SDK2: variants seen among roughly 807,000 people sequenced by gnomAD.
SDK2 encodes the protein sidekick cell adhesion molecule 2.
A neutral mutation model predicts 253.9 loss-of-function variants in SDK2; 105 were observed. The ratio of observed to expected loss-of-function variants is 0.41; its 90% CI spans 0.35 to 0.49. SDK2 has a LOEUF of 0.49. Ranked by LOEUF, SDK2 falls within the 20% of genes least tolerant of loss-of-function variation. The pLI, the probability that SDK2 is intolerant of heterozygous loss-of-function variation, is 0.06. For missense variants in SDK2, 2,608 were observed against 3,003.0 expected (o/e 0.87, Z 3.07); for synonymous variants, 1,249 against 1,234.9 (o/e 1.01, Z -0.24).
chr17:73,534,914 C>T lies in SDK2; in HGVS notation c.65-27317G>A, dbSNP rs1345068936. 1.3e-5 allele frequency among the ~76,000 whole-genome samples: 2 copies of T among 152,176 alleles called. No homozygotes were observed. Among genetic ancestry groups the T allele is most frequent in the Non-Finnish European group, 2.9e-5 (2 of 68,018 alleles). On this transcript the variant is annotated intron_variant, in intron 1 of 44. Coordinates refer to ENST00000392650, the MANE Select transcript of SDK2 (RefSeq NM_001144952.2). The surrounding 1 kb of genome is among the most constrained non-coding windows in gnomAD (Gnocchi z 4.9). ...CTGCGATCGGCCGATCAGCCCGCTA[C>T]TGGGTCTAAGGAACCCAGGAGGAGG...
At chr17:73,522,594 T>C (rs1026047388) in intron 1 of SDK2, among the ~76,000 whole-genome samples, 2 of 152,234 alleles carry the variant, frequency 1.3e-5, no homozygotes, top group African/African-American at 4.8e-5. Flanking sequence ...GAGAAGGTGA[T>C]GGTATGTGGA....
intron 1 of SDK2, among the ~76,000 whole-genome samples, chr17:73,589,750 T>G (rs1188482129): frequency 1.3e-5 from 2 of 152,164 alleles, no homozygotes; most frequent in South Asian, 4.1e-4. Flanking sequence ...AAGAGAGCAA[T>G]AAGCCTCATC....
At chr17:73,344,617 C>T (rs1263141716) in intron 44 of SDK2, among the ~76,000 whole-genome samples, 1 of 152,216 alleles carries the variant, frequency 6.6e-6, no homozygotes, top group African/African-American at 2.4e-5. Flanking sequence ...TGAGAATATA[C>T]AAAGCACAGG....
At chr17:73,591,127 C>T (rs1171485000) in intron 1 of SDK2, among the ~76,000 whole-genome samples, 2 of 152,158 alleles carry the variant, frequency 1.3e-5, no homozygotes, top group East Asian at 3.9e-4. Flanking sequence ...GCCATGTTGG[C>T]CAGGCTGGTC....
intron 3 of SDK2, among the ~76,000 whole-genome samples, chr17:73,466,728 G>T (rs2410769): frequency 2.6e-5 from 2 of 75,590 alleles, no homozygotes; most frequent in African/African-American, 6.4e-5. Flanking sequence ...CCCCCCCCCC[G>T]GCTTAGGCTC....
At chr17:73,531,105 G>A (rs544616118) in intron 1 of SDK2, among the ~76,000 whole-genome samples, 2 of 152,072 alleles carry the variant, frequency 1.3e-5, no homozygotes, top group South Asian at 4.2e-4. Context: ...GATCTTCCTT[G>A]TTCCCACCCT....
chr17:73,536,647 G>A (rs1279562832), intron 1 of SDK2, among the ~76,000 whole-genome samples: 5 of 152,188 alleles, frequency 3.3e-5, no homozygotes, highest in Non-Finnish European at 7.3e-5. Context: ...ACGCCAGTGC[G>A]GGGGTCGCAA....
rs566708568 is a variant in SDK2, at chr17:73,425,633, G to A, written c.1584-1541C>T. On this transcript the variant is annotated intron_variant, in intron 12 of 44. Coordinates refer to ENST00000392650, the MANE Select transcript of SDK2 (RefSeq NM_001144952.2). ...AGTGATTTTCGTGGCTCAGCCTCCC[G>A]AGTTGCTAGGACTATAGGCGAGCAC... Among the ~76,000 whole-genome samples the A allele has an allele frequency of 2.8e-4, 43 of 151,902 alleles. No homozygotes were observed. In the South Asian group the frequency reaches 3.3e-3, roughly 12 times the overall value.
chr17:73,644,003 C>T lies in SDK2; in HGVS notation c.64+22G>A, dbSNP rs1173834578. 6.5e-7 allele frequency: 1 copy of T among 1,543,730 alleles called. No individual in the cohort carries two copies. Among genetic ancestry groups the T allele is most frequent in the African/African-American group, 1.4e-5 (1 of 72,804 alleles). On this transcript the variant is annotated intron_variant, in intron 1 of 44. Transcript: ENST00000392650. The surrounding 1 kb of genome is among the most constrained non-coding windows in gnomAD (Gnocchi z 6.3). ...CACTCTCCCAGCCCCCTCCCTGTCCCCACGTGGGGGTCCCTCCTTACCTTG... is the reference window on the plus strand; with the variant it reads ...CACTCTCCCAGCCCCCTCCCTGTCCTCACGTGGGGGTCCCTCCTTACCTTG...
rs757187447 is a variant in SDK2, at chr17:73,419,207, A to C, written c.2145T>G (p.Pro715=). ...QSIMIQWQPP[P]ESHQNGILKG... is the part of the protein sequence containing the mutation. ...TGAGAATTCCATTCTGGTGGCTCTC[A>C]GGAGGCGGCTGCCACTGGATCATGA... The change falls in exon 16 of 45, where the codon CCT becomes CCG. Residue 715 remains proline (P), a synonymous_variant. Transcript: ENST00000392650. 4 of 1,612,138 alleles carry C rather than the reference A, an allele frequency of 2.5e-6. No homozygotes were observed. The South Asian group carries it at 4.4e-5, about 18-fold the overall frequency.
chr17:73,448,607 G>A (rs2063470165), intron 4 of SDK2, among the ~76,000 whole-genome samples: 2 of 151,476 alleles, frequency 1.3e-5, no homozygotes, highest in Non-Finnish European at 1.5e-5. Flanking sequence ...CTTGTGATCT[G>A]CCCGCCTTGG....
At chr17:73,403,594 G>A (rs976614211) in intron 18 of SDK2, among the ~76,000 whole-genome samples, 4 of 152,132 alleles carry the variant, frequency 2.6e-5, no homozygotes, top group Non-Finnish European at 4.4e-5. Context: ...TAATAAGCAC[G>A]GGTATTTATA....
intron 2 of SDK2, among the ~76,000 whole-genome samples, chr17:73,475,481 T>C (rs2063680080): frequency 6.6e-6 from 1 of 152,228 alleles, no homozygotes; most frequent in South Asian, 2.1e-4. Context: ...CTAGCAACTA[T>C]GTGACAAAAA....
chr17:73,559,789 G>A lies in SDK2; in HGVS notation c.65-52192C>T, dbSNP rs1490664710. Reference sequence around the variant, plus strand: ...AAGTGCCCCTAATGCCTGTGCTCCCGAATCATAATGCCACAAAAACCTTGC... The same window carrying A: ...AAGTGCCCCTAATGCCTGTGCTCCCAAATCATAATGCCACAAAAACCTTGC... On this transcript the variant is annotated intron_variant, in intron 1 of 44. Transcript: ENST00000392650. Among the ~76,000 whole-genome samples, 6 of 152,194 alleles carry A rather than the reference G, an allele frequency of 3.9e-5. No individual in the cohort carries two copies. The East Asian group carries it at 7.7e-4, about 20-fold the overall frequency.
chr17:73,378,984 G>A (rs1405807122), intron 36 of SDK2, among the ~76,000 whole-genome samples, 193 bp downstream of exon 36: 1 of 152,164 alleles, frequency 6.6e-6, no homozygotes, highest in East Asian at 1.9e-4. Flanking sequence ...AGCTTCAGCT[G>A]TACAAATATT....
At chr17:73,474,059 GTCTT>G (rs2063669720) in intron 2 of SDK2, among the ~76,000 whole-genome samples, 1 of 152,040 alleles carries the variant, frequency 6.6e-6, no homozygotes, top group African/African-American at 2.4e-5. Flanking sequence ...AGAGATGGGG[GTCTT>G]TCTATGTTTC....
chr17:73,485,222 C>A (rs2063762325), intron 2 of SDK2, among the ~76,000 whole-genome samples: 1 of 152,036 alleles, frequency 6.6e-6, no homozygotes, highest in South Asian at 2.1e-4. Context: ...CTGGGCCTCT[C>A]CACCTCCCTC....
intron 16 of SDK2, among the ~76,000 whole-genome samples, chr17:73,418,215 C>T (rs2063200203): frequency 6.6e-6 from 1 of 152,070 alleles, no homozygotes; most frequent in South Asian, 2.1e-4. Context: ...ACCATATTGG[C>T]CAGGATTGTC....
rs1209476779 is a variant in SDK2 at position 73,570,293 on chromosome 17, C to T, written c.65-62696G>A. ...CCATAGGAGTGGTAGACCCCGTCTA[C>T]ACCGGGTCCAGAAACCACACAACCC... On this transcript the variant is annotated intron_variant, in intron 1 of 44. Coordinates refer to ENST00000392650, the MANE Select transcript of SDK2 (RefSeq NM_001144952.2). This position sits in a 1 kb window ranked among gnomAD's most constrained non-coding sequence, Gnocchi z 4.2. Among the ~76,000 whole-genome samples, 1 of 152,174 alleles carries T rather than the reference C, an allele frequency of 6.6e-6. No homozygotes were observed. Among genetic ancestry groups the T allele is most frequent in the Non-Finnish European group, 1.5e-5 (1 of 68,024 alleles).
Sources: allele counts gnomAD v4.1 joint callset (sites outside exome capture counted in the v4.1 genomes callset), GRCh38; gene constraint gnomAD v4.1.1; non-coding constraint Gnocchi (gnomAD v3.1); transcripts MANE v1.5; gene names NCBI Gene and HGNC (gene_info 2026-07-23, HGNC 2026-07-21).